FBN1: variants seen among roughly 807,000 people sequenced by gnomAD.
FBN1 encodes fibrillin-1.
FBN1 carries 29 observed loss-of-function variants against 365.1 expected under a neutral mutation model. The observed-to-expected ratio is 0.08, with a 90% CI of 0.06 to 0.11. The LOEUF (loss-of-function observed/expected upper bound fraction) is 0.11, where lower values mean the gene tolerates loss of function less well. Among genes scored for constraint, FBN1 ranks in the 10% least tolerant of loss-of-function variants. The pLI, the probability that FBN1 is intolerant of heterozygous loss-of-function variation, is 1.00. For synonymous variants in FBN1, 1,210 were observed against 1,270.5 expected, an observed-to-expected ratio of 0.95 and a Z score of 1.01; for missense variants, 2,476 against 3,703.2, an observed-to-expected ratio of 0.67 and a Z score of 8.60.
intron 47 of FBN1, among the ~76,000 whole-genome samples, chr15:48,446,301 C>G (rs1466829221): frequency 1.3e-5 from 2 of 151,982 alleles, no homozygotes; most frequent in Non-Finnish European, 2.9e-5. Context: ...GAGAGAGAGA[C>G]AGTGCACAAG....
rs576897445 is a variant in FBN1, at chr15:48,412,892, T to C, written c.8052-149A>G. 2.2e-5 allele frequency: 20 copies of C among 915,918 alleles called. 1 individual carries two copies. The highest frequency in any genetic ancestry group is 1.3e-4 in the African/African-American group (8 of 61,476). The allele number at this position is 915,918 out of a possible 1,614,324, so 56.7% of individuals were successfully genotyped here. A position where few individuals can be genotyped will look rare whatever the true frequency, so the allele number is the denominator to read the frequency against. On this transcript the variant is annotated intron_variant, in intron 64 of 65. Transcript: ENST00000316623. Reference sequence around the variant, plus strand: ...GGATCAGCTAGTTCTGAGAACTACATTGAGGTCCTCTGTTTGGCCTCTAAT... The same window carrying C: ...GGATCAGCTAGTTCTGAGAACTACACTGAGGTCCTCTGTTTGGCCTCTAAT...
intron 44 of FBN1, among the ~76,000 whole-genome samples, chr15:48,454,673 C>T (rs1244185778): frequency 6.6e-6 from 1 of 152,190 alleles, no homozygotes; most frequent in Non-Finnish European, 1.5e-5. Context: ...GGCTTTTACA[C>T]AGAAGTTGGC....
intron 6 of FBN1, among the ~76,000 whole-genome samples, chr15:48,590,507 T>C (rs758962347): frequency 8.5e-5 from 13 of 152,220 alleles, no homozygotes; most frequent in African/African-American, 1.7e-4. Context: ...TAGAAAGATA[T>C]CTGTGCAAAA....
chr15:48,464,443 C>T (rs1244550529), intron 40 of FBN1, among the ~76,000 whole-genome samples: 1 of 152,058 alleles, frequency 6.6e-6, no homozygotes, highest in Non-Finnish European at 1.5e-5. Flanking sequence ...TTGAACTCTA[C>T]ATGCAGAGGT....
chr15:48,610,873 T>G (rs1307148199), intron 3 of FBN1, 47 bp from the exon 4 acceptor site: 1 of 1,510,386 alleles, frequency 6.6e-7, no homozygotes, highest in East Asian at 2.3e-5. Flanking sequence ...TGGAACACGA[T>G]TTGTTATAGG....
chr15:48,448,464 C>T (rs765584278), intron 46 of FBN1, among the ~76,000 whole-genome samples: 19 of 152,078 alleles, frequency 1.2e-4, no homozygotes, highest in Non-Finnish European at 2.4e-4. Flanking sequence ...AGAAAATCCA[C>T]ATCAATATTA....
At chr15:48,637,316 C>A (rs1890111422) in intron 2 of FBN1, among the ~76,000 whole-genome samples, 2 of 152,206 alleles carry the variant, frequency 1.3e-5, no homozygotes, top group South Asian at 4.1e-4. Context: ...ATCTTAGAAT[C>A]CTTTACTAGC....
At chr15:48,566,081 C>A (rs569971994) in intron 6 of FBN1, among the ~76,000 whole-genome samples, 13 of 152,280 alleles carry the variant, frequency 8.5e-5, no homozygotes, top group African/African-American at 3.1e-4. Flanking sequence ...TCTTTGGAGG[C>A]TGACCAAATG....
In FBN1 at chr15:48,418,002, G is replaced by A. The variant is rs577398939; in HGVS notation, c.7820-2235C>T. 5.9e-5 allele frequency among the ~76,000 whole-genome samples: 9 copies of A among 152,272 alleles called. No homozygotes were observed. In the South Asian group the frequency reaches 8.3e-4, roughly 14 times the overall value. Reference sequence around the variant, plus strand: ...CTGACTAATAAAACCTGCAAGGCGTGGGTATATGAGGGGGAAGACTTGTCA... The same window carrying A: ...CTGACTAATAAAACCTGCAAGGCGTAGGTATATGAGGGGGAAGACTTGTCA... On this transcript the variant is annotated intron_variant, in intron 63 of 65. Coordinates refer to ENST00000316623, the MANE Select transcript of FBN1 (RefSeq NM_000138.5).
In FBN1 at chr15:48,600,230, T is replaced by A. The variant is rs201083095; in HGVS notation, c.351A>T (p.Gln117His). The stretch of plus-strand genomic sequence containing the variant: ...CATTCATACAGCGAATATTGCAGTG[T>A]TGTACTTGAAAAAAAAGAAGAAGAA... ...IAPSCGSRSI[Q>H]HCNIRCMNGG... The change falls in exon 5 of 66, where the codon CAA (glutamine) becomes CAT (histidine). Residue 117 changes from glutamine to histidine, a missense_variant. Gln to His is a conservative substitution (Grantham distance 24). Coordinates refer to ENST00000316623, the MANE Select transcript of FBN1 (RefSeq NM_000138.5). The A allele has an allele frequency of 6.8e-6, 11 of 1,613,090 alleles. No individual in the cohort carries two copies. Among genetic ancestry groups the A allele is most frequent in the Non-Finnish European group, 9.3e-6 (11 of 1,179,204 alleles).
Position 48,467,870 on chromosome 15 carries a change from G to A in FBN1, c.4747+68C>T, listed in dbSNP as rs2279233. The A allele has an allele frequency of 0.017, 24,378 of 1,403,986 alleles. 613 individuals carry two copies. The highest frequency in any genetic ancestry group is 0.11 in the East Asian group (4,705 of 43,902). 87.0% of individuals were successfully genotyped at this position (1,403,986 alleles called of 1,614,324 possible). On this transcript the variant is annotated intron_variant, in intron 38 of 65. Transcript: ENST00000316623. ...TCTGATCTAAGAGTAGAAAAGGTTT[G>A]TCTTCTGATCTAGAAAGGAGAACTG...
intron 12 of FBN1, among the ~76,000 whole-genome samples, chr15:48,514,561 C>A (rs2043786211): frequency 6.6e-6 from 1 of 152,074 alleles, no homozygotes; most frequent in South Asian, 2.1e-4. Flanking sequence ...TTATCCAATC[C>A]AAAAATTGAT....
intron 38 of FBN1, 41 bp downstream of exon 38, chr15:48,467,897 C>T: frequency 1.3e-6 from 2 of 1,565,556 alleles, no homozygotes; most frequent in African/African-American, 1.4e-5. Context: ...GGAGAACTGG[C>T]TGGAGTTGAA....
intron 2 of FBN1, among the ~76,000 whole-genome samples, chr15:48,637,116 T>C (rs573384234): frequency 1.3e-5 from 2 of 152,286 alleles, no homozygotes; most frequent in African/African-American, 2.4e-5. Context: ...CTGTCTGCAT[T>C]AACTCTGGAA....
intron 13 of FBN1, 30 bp from the exon 14 acceptor site, chr15:48,510,199 G>C: frequency 6.2e-7 from 1 of 1,608,784 alleles, no homozygotes; most frequent in Non-Finnish European, 8.5e-7. Context: ...AGAAGAAATA[G>C]CTTTATTTAG....
At chr15:48,448,957 C>G in intron 45 of FBN1, 64 bp from the exon 46 acceptor site, 1 of 1,363,604 alleles carries the variant, frequency 7.3e-7, no homozygotes, top group Non-Finnish European at 1.0e-6. Context: ...TAACTTACTT[C>G]TAGCTATCAT....
Position 48,437,819 on chromosome 15 carries a change from T to C in FBN1, c.6262A>G (p.Lys2088Glu), listed in dbSNP as rs1270341999. The C allele has an allele frequency of 6.2e-7, 1 of 1,613,784 alleles. No individual in the cohort carries two copies. Among genetic ancestry groups the C allele is most frequent in the East Asian group, 2.2e-5 (1 of 44,874 alleles). Residue 2088 changes from lysine to glutamate, a missense_variant, in exon 51 of 66, where the codon AAG becomes GAG. Physicochemically the swap from Lys to Glu is moderately conservative, Grantham distance 56. Coordinates refer to ENST00000316623, the MANE Select transcript of FBN1 (RefSeq NM_000138.5). The stretch of plus-strand genomic sequence containing the variant: ...CAGGGGTCTCCCCAGCCTTCTCCCT[T>C]CAAGGCACAGCAGCATTCCTGCTTG... ...HSKQECCCAL[K>E]GEGWGDPCEL...
intron 6 of FBN1, among the ~76,000 whole-genome samples, chr15:48,580,894 G>C (rs1179330608): frequency 6.6e-6 from 1 of 152,168 alleles, no homozygotes; most frequent in Non-Finnish European, 1.5e-5. Context: ...CAGAGGGGTA[G>C]GAAACTACCC....
chr15:48,578,603 T>C (rs1207866337), intron 6 of FBN1, among the ~76,000 whole-genome samples: 1 of 152,014 alleles, frequency 6.6e-6, no homozygotes, highest in Non-Finnish European at 1.5e-5. Context: ...ACTTCCACAA[T>C]GGCAAATGTC....
Sources: gnomAD v4.1 joint callset for allele counts (sites outside exome capture counted in the v4.1 genomes callset) on GRCh38, gnomAD v4.1.1 for gene constraint, MANE v1.5 for transcripts, NCBI Gene and HGNC (gene_info 2026-07-23, HGNC 2026-07-21) for gene names.